PCDHA12: variants seen among roughly 807,000 people sequenced by gnomAD.
PCDHA12 encodes the protein protocadherin alpha 12, also known as protocadherin alpha-12.
Under a neutral mutation model 60.0 loss-of-function variants are expected in PCDHA12, and 44 were observed. That is an observed-to-expected ratio of 0.73 (90% CI 0.58 to 0.94). PCDHA12 has a LOEUF of 0.94. Among genes scored for constraint, PCDHA12 ranks in the 40% least tolerant of loss-of-function variants. The pLI is 0.00. For missense variants in PCDHA12, 1,276 were observed against 1,239.7 expected (o/e 1.03, Z -0.44); for synonymous variants, 569 against 553.0 (o/e 1.03, Z -0.40).
chr5:140,971,451 T>C (rs1442240847), intron 1 of PCDHA12, among the ~76,000 whole-genome samples: 2 of 152,110 alleles, frequency 1.3e-5, no homozygotes, highest in East Asian at 1.9e-4. Flanking sequence ...GCTCCAGAAA[T>C]TTTTGCAGTT....
At chr5:140,914,761 G>A (rs2076826214) in intron 1 of PCDHA12, among the ~76,000 whole-genome samples, 1 of 151,734 alleles carries the variant, frequency 6.6e-6, no homozygotes, top group Non-Finnish European at 1.5e-5. Context: ...GAGGTTACAT[G>A]AGGTTTATGA....
chr5:140,909,249 G>A (rs1180498257), intron 1 of PCDHA12, among the ~76,000 whole-genome samples: 1 of 152,196 alleles, frequency 6.6e-6, no homozygotes, highest in Non-Finnish European at 1.5e-5. Flanking sequence ...TATATTGCTG[G>A]CCTTGCTGAC....
chr5:140,890,870 T>A (rs1217710440), intron 1 of PCDHA12, among the ~76,000 whole-genome samples: 1 of 152,226 alleles, frequency 6.6e-6, no homozygotes, highest in Non-Finnish European at 1.5e-5. Flanking sequence ...CTTGCCCCTC[T>A]GACCTTTCAT....
At position 140,875,871 on chromosome 5, in the gene PCDHA12, C is replaced by G. The variant is rs2055892299; in HGVS notation, c.399C>G (p.Phe133Leu). Residue 133 changes from phenylalanine (F) to leucine (L), a missense_variant, in exon 1 of 4, where the codon TTC becomes TTG. Transcript: ENST00000398631. ...VKDINDNPPVFREREQKVPVS... is the reference protein window; with the variant it reads ...VKDINDNPPVLREREQKVPVS... ...ACATTAACGACAACCCGCCGGTGTT[C>G]AGAGAAAGGGAACAAAAGGTACCTG... 3 of 1,614,188 alleles carry G rather than the reference C, an allele frequency of 1.9e-6. No individual in the cohort carries two copies. The highest frequency in any genetic ancestry group is 2.5e-6 in the Non-Finnish European group (3 of 1,180,036).
chr5:141,010,272 T>C lies in PCDHA12; in HGVS notation c.*335T>C. On this transcript the variant is annotated 3_prime_UTR_variant, in exon 4 of 4. Coordinates refer to ENST00000398631, the MANE Select transcript of PCDHA12 (RefSeq NM_018903.4). ...TCTCTGCCCTGTGCTCCGGGGATCC[T>C]GTCTTGATGACACTTGCAGGGCAGG... The C allele has an allele frequency of 6.4e-7, 1 of 1,551,508 alleles. No homozygotes were observed. Among genetic ancestry groups the C allele is most frequent in the Non-Finnish European group, 8.7e-7 (1 of 1,146,940 alleles).
rs782807362 is a variant in PCDHA12 at position 140,884,482 on chromosome 5, T to G, written c.2367+6643T>G. ...GCGCGTGCGCGCCGGGCAAGCCCACTCTAGTGTGCTCCAGCGCGGCAGGGA... is the reference window on the plus strand; with the variant it reads ...GCGCGTGCGCGCCGGGCAAGCCCACGCTAGTGTGCTCCAGCGCGGCAGGGA... On this transcript the variant is annotated intron_variant, in intron 1 of 3. Transcript: ENST00000398631. 1.6e-5 allele frequency: 26 copies of G among 1,613,830 alleles called. No homozygotes were observed. In the East Asian group the frequency reaches 4.5e-4, roughly 28 times the overall value.
chr5:140,970,400 C>T (rs1586425210), intron 1 of PCDHA12, among the ~76,000 whole-genome samples: 1 of 152,162 alleles, frequency 6.6e-6, no homozygotes, highest in Non-Finnish European at 1.5e-5. Context: ...AAGTGGATGG[C>T]TTACCCTACA....
chr5:140,919,867 G>A (rs2079334985), intron 1 of PCDHA12, among the ~76,000 whole-genome samples: 1 of 152,178 alleles, frequency 6.6e-6, no homozygotes, highest in Non-Finnish European at 1.5e-5. Context: ...TTGGAAATAA[G>A]TCTTTGAAGA....
chr5:140,966,427 C>T (rs2096001144), intron 1 of PCDHA12: 1 of 421,646 alleles, frequency 2.4e-6, no homozygotes, highest in African/African-American at 2.1e-5. Context: ...CTTGCTGAGC[C>T]CTCCTACCGC....
At chr5:141,007,199 G>A (rs561958637) in intron 3 of PCDHA12, among the ~76,000 whole-genome samples, 3 of 152,036 alleles carry the variant, frequency 2.0e-5, no homozygotes, top group African/African-American at 7.2e-5. Flanking sequence ...TGATGGTGGG[G>A]GCCAGAATAT....
chr5:140,989,533 T>A (rs114286041), intron 3 of PCDHA12, among the ~76,000 whole-genome samples: 1 of 152,158 alleles, frequency 6.6e-6, no homozygotes, highest in Non-Finnish European at 1.5e-5. Context: ...AGGAGGAAGA[T>A]AGTTTGTAAT....
At chr5:140,952,301 T>C (rs246036) in intron 1 of PCDHA12, among the ~76,000 whole-genome samples, 3 of 149,380 alleles carry the variant, frequency 2.0e-5, no homozygotes. Flanking sequence ...CACAGCCATT[T>C]CACTCCAGCC....
intron 1 of PCDHA12, among the ~76,000 whole-genome samples, chr5:140,964,199 A>G (rs1183847716): frequency 1.3e-5 from 2 of 152,240 alleles, no homozygotes; most frequent in Non-Finnish European, 2.9e-5. Flanking sequence ...AGAGTATACC[A>G]TCTCTTTAGT....
At chr5:140,967,815 A>G in intron 1 of PCDHA12, 1 of 1,614,180 alleles carries the variant, frequency 6.2e-7, no homozygotes. Context: ...GGTCACTGCA[A>G]GGTGCTGGTG....
At chr5:140,941,321 T>C (rs1220701599) in intron 1 of PCDHA12, among the ~76,000 whole-genome samples, 5 of 62,540 alleles carry the variant, frequency 8.0e-5, no homozygotes, top group African/African-American at 2.0e-4. Context: ...TTCTTTCTCT[T>C]TTTTTTTTTT....
At chr5:140,927,300 C>T (rs2084061617) in intron 1 of PCDHA12, 2 of 1,614,052 alleles carry the variant, frequency 1.2e-6, no homozygotes, top group South Asian at 2.2e-5. Flanking sequence ...TCCCCGAGTT[C>T]CTGACGCCCG....
chr5:140,926,811 C>T, intron 1 of PCDHA12: 3 of 1,464,260 alleles, frequency 2.0e-6, no homozygotes, highest in Admixed American at 5.2e-5. Flanking sequence ...CCCCGCGGCT[C>T]GTGCTCTCCA....
chr5:140,988,324 C>T (rs2097292768), intron 3 of PCDHA12, among the ~76,000 whole-genome samples: 1 of 152,206 alleles, frequency 6.6e-6, no homozygotes, highest in African/African-American at 2.4e-5. Flanking sequence ...CTTTCTCTAC[C>T]CGAGGAAAGT....
At chr5:141,008,126 G>A (rs2098361949) in intron 3 of PCDHA12, among the ~76,000 whole-genome samples, 1 of 152,178 alleles carries the variant, frequency 6.6e-6, no homozygotes, top group African/African-American at 2.4e-5. Context: ...TCAAGAAGGG[G>A]ATGACAAATG....
Sources: allele counts gnomAD v4.1 joint callset (sites outside exome capture counted in the v4.1 genomes callset), GRCh38; gene constraint gnomAD v4.1.1; transcripts MANE v1.5; gene names NCBI Gene and HGNC (gene_info 2026-07-23, HGNC 2026-07-21).